CUEDC1: variants seen among roughly 807,000 people sequenced by gnomAD.
CUEDC1 encodes CUE domain containing 1, also known as CUE domain-containing protein 1.
Under a neutral mutation model 43.7 loss-of-function variants are expected in CUEDC1, and 30 were observed. The observed-to-expected ratio is 0.69, with a 90% CI of 0.51 to 0.93. CUEDC1 has a LOEUF of 0.93. CUEDC1 is among the 40% of genes least tolerant of loss of function. CUEDC1 has a pLI of 0.00. For missense variants in CUEDC1, 486 were observed against 549.0 expected, an observed-to-expected ratio of 0.89 and a Z score of 1.15; for synonymous variants, 223 against 223.6, an observed-to-expected ratio of 1.00 and a Z score of 0.02.
chr17:57,918,504 T>C (rs1394704431), intron 1 of CUEDC1, among the ~76,000 whole-genome samples: 2 of 152,214 alleles, frequency 1.3e-5, no homozygotes, highest in Non-Finnish European at 1.5e-5. Context: ...TTCCTTAAGA[T>C]GTTGAGAAGG....
intron 1 of CUEDC1, among the ~76,000 whole-genome samples, chr17:57,910,267 C>T (rs1489648645): frequency 6.6e-6 from 1 of 152,034 alleles, no homozygotes; most frequent in East Asian, 1.9e-4. Flanking sequence ...TCTTGCTAAA[C>T]CTCAGTGACC....
chr17:57,871,370 C>G lies in CUEDC1; in HGVS notation c.785-1G>C, dbSNP rs1245551460. The G allele has an allele frequency of 1.6e-5, 26 of 1,613,400 alleles. No individual in the cohort carries two copies. The highest frequency in any genetic ancestry group is 2.2e-5 in the Non-Finnish European group (26 of 1,179,744). ...TTCTGGGATTCGTATTTCAATCGAT[C>G]TGGAAAAGGACCACATTCACAGGTC... On this transcript the variant is annotated splice_acceptor_variant, in intron 5 of 10. Transcript: ENST00000577830. LOFTEE classifies it high-confidence loss of function.
rs762874769 is a variant in CUEDC1, at chr17:57,866,503, C to A, written c.1135G>T (p.Glu379Ter). 1.1e-5 allele frequency: 17 copies of A among 1,614,074 alleles called. No individual in the cohort carries two copies. Among genetic ancestry groups the A allele is most frequent in the Non-Finnish European group, 1.4e-5 (16 of 1,180,036 alleles). Residue 379 changes from glutamate to a stop codon, truncating the protein, a stop_gained, in exon 10 of 11, where the codon GAG becomes TAG. Coordinates refer to ENST00000577830, the MANE Select transcript of CUEDC1 (RefSeq NM_001271875.2). LOFTEE classifies it high-confidence loss of function. ...TACTGTCCTTCTCGCAGGCCTTCCT[C>A]CACCTTGGGTGCCTCCTGACGCCTG... The part of the protein sequence containing the change: ...RGRRQEAPKV[E>*]EGLREGQ
At position 57,866,474 on chromosome 17, in the gene CUEDC1, C is replaced by G. The variant is rs746692927; in HGVS notation, c.*3G>C. 6.2e-7 allele frequency: 1 copy of G among 1,614,088 alleles called. No homozygotes were observed. The highest frequency in any genetic ancestry group is 1.1e-5 in the South Asian group (1 of 91,084). On this transcript the variant is annotated splice_region_variant and 3_prime_UTR_variant, in exon 10 of 11. Transcript: ENST00000577830. ...GGGTTGCTATGGCTCCAGGCCTTACCTCTTACTGTCCTTCTCGCAGGCCTT... is the reference window on the plus strand; with the variant it reads ...GGGTTGCTATGGCTCCAGGCCTTACGTCTTACTGTCCTTCTCGCAGGCCTT...
chr17:57,929,101 C>T (rs920552382), intron 1 of CUEDC1, among the ~76,000 whole-genome samples: 1 of 152,148 alleles, frequency 6.6e-6, no homozygotes, highest in Non-Finnish European at 1.5e-5. Context: ...GGCCATTGTC[C>T]TCATTTCCAG....
intron 1 of CUEDC1, among the ~76,000 whole-genome samples, chr17:57,920,681 G>A (rs1422423819): frequency 6.7e-6 from 1 of 148,526 alleles, no homozygotes; most frequent in Admixed American, 6.8e-5. Context: ...GCCCAGGCTG[G>A]AGTGTAGTGG....
chr17:57,928,716 G>C (rs916366037), intron 1 of CUEDC1, among the ~76,000 whole-genome samples: 1 of 149,808 alleles, frequency 6.7e-6, no homozygotes, highest in African/African-American at 2.5e-5. Flanking sequence ...TCCAGAAAGG[G>C]AGAATATACT....
At chr17:57,908,205 C>T (rs558540199) in intron 1 of CUEDC1, among the ~76,000 whole-genome samples, 2 of 152,208 alleles carry the variant, frequency 1.3e-5, no homozygotes, top group South Asian at 2.1e-4. Context: ...TACAGGTGCT[C>T]GCCACCACAC....
At chr17:57,870,396 C>T (rs975297634) in intron 6 of CUEDC1, among the ~76,000 whole-genome samples, 3 of 152,238 alleles carry the variant, frequency 2.0e-5, no homozygotes, top group Non-Finnish European at 4.4e-5. Flanking sequence ...CCACCTTGTA[C>T]ACAAAGCTAG....
chr17:57,868,245 TG>T lies in CUEDC1; in HGVS notation c.941-3del. On this transcript the variant is annotated splice_polypyrimidine_tract_variant and splice_region_variant and intron_variant, in intron 7 of 10. Transcript: ENST00000577830. ...GTTCAAACAGTTTCCTCCGGGTGGC[TG>T]GGGGCAGAGAGACCTGTGAGTCATT... 1 of 1,613,952 alleles carries T rather than the reference TG, an allele frequency of 6.2e-7. No homozygotes were observed. Among genetic ancestry groups the T allele is most frequent in the Non-Finnish European group, 8.5e-7 (1 of 1,179,834 alleles).
At chr17:57,894,228 G>C (rs1427017896) in intron 1 of CUEDC1, among the ~76,000 whole-genome samples, 1 of 152,162 alleles carries the variant, frequency 6.6e-6, no homozygotes, top group South Asian at 2.1e-4. Context: ...TGCCGGCAGG[G>C]GTGAGGCTGG....
At chr17:57,945,044 T>C (rs1248761479) in intron 1 of CUEDC1, among the ~76,000 whole-genome samples, 1 of 152,152 alleles carries the variant, frequency 6.6e-6, no homozygotes, top group Non-Finnish European at 1.5e-5. Flanking sequence ...CTGTCATCGA[T>C]TTGCTAAAGG....
At chr17:57,875,956 A>G (rs2074117418) in intron 3 of CUEDC1, among the ~76,000 whole-genome samples, 1 of 151,736 alleles carries the variant, frequency 6.6e-6, no homozygotes, top group Non-Finnish European at 1.5e-5. Flanking sequence ...AGGGATTGTG[A>G]CATTTGAAGC....
intron 8 of CUEDC1, 69 bp from the exon 9 acceptor site, chr17:57,867,484 G>A (rs1314970869): frequency 5.8e-6 from 8 of 1,388,774 alleles, no homozygotes. Flanking sequence ...CAGTCCCACT[G>A]ACTCTCTGCC....
chr17:57,908,633 G>C (rs975610018), intron 1 of CUEDC1, among the ~76,000 whole-genome samples: 3 of 152,190 alleles, frequency 2.0e-5, no homozygotes, highest in Admixed American at 6.6e-5. Flanking sequence ...AAACATGCCA[G>C]GTATTATTTG....
At chr17:57,866,959 G>A (rs1221031083) in intron 9 of CUEDC1, 4 of 355,244 alleles carry the variant, frequency 1.1e-5, no homozygotes, top group Non-Finnish European at 2.1e-5. Flanking sequence ...GGCCCACGTG[G>A]CCTTTGGAAG....
At chr17:57,952,078 G>A (rs2075012410) in intron 1 of CUEDC1, among the ~76,000 whole-genome samples, 1 of 152,152 alleles carries the variant, frequency 6.6e-6, no homozygotes, top group African/African-American at 2.4e-5. Context: ...CATGGCCACT[G>A]GGGAAGGTGA....
chr17:57,877,099 G>C (rs2074136346), intron 3 of CUEDC1, among the ~76,000 whole-genome samples: 1 of 152,186 alleles, frequency 6.6e-6, no homozygotes, highest in African/African-American at 2.4e-5. Context: ...GTTCTCCTCA[G>C]GGCATCCACT....
chr17:57,895,126 C>T (rs1006780784), intron 1 of CUEDC1, among the ~76,000 whole-genome samples: 2 of 152,210 alleles, frequency 1.3e-5, no homozygotes, highest in Admixed American at 6.5e-5. Flanking sequence ...TCTTCATCCT[C>T]CCTACAGCTC....
Sources: allele counts gnomAD v4.1 joint callset (sites outside exome capture counted in the v4.1 genomes callset), GRCh38; gene constraint gnomAD v4.1.1; transcripts MANE v1.5; gene names NCBI Gene and HGNC (gene_info 2026-07-23, HGNC 2026-07-21).